Variants in SYNE1 observed in about 807,000 individuals in gnomAD.
The protein encoded by SYNE1 is spectrin repeat containing nuclear envelope protein 1.
A neutral mutation model predicts 1,111.0 loss-of-function variants in SYNE1; 616 were observed. That is an observed-to-expected ratio of 0.55 (90% CI 0.52 to 0.59). The LOEUF (loss-of-function observed/expected upper bound fraction) is 0.59, where lower values mean the gene tolerates loss of function less well. Among genes scored for constraint, SYNE1 ranks in the 20% least tolerant of loss-of-function variants. SYNE1 has a pLI of 0.00. For synonymous variants in SYNE1, 3,855 were observed against 3,825.8 expected, an observed-to-expected ratio of 1.01 and a Z score of -0.28; for missense variants, 10,006 against 10,417.0, an observed-to-expected ratio of 0.96 and a Z score of 1.72.
In SYNE1 at chr6:152,417,053, A is replaced by T. The variant is rs561593060; in HGVS notation, c.5422-38T>A. 4 of 1,611,266 alleles carry T rather than the reference A, an allele frequency of 2.5e-6. No homozygotes were observed. The African/African-American group carries it at 5.3e-5, about 21-fold the overall frequency. On this transcript the variant is annotated intron_variant, in intron 40 of 145. Transcript: ENST00000367255. ...AGAGAGTTATTGATTCCTGAGATAC[A>T]CTACAGTCTATGGCAGAGGTATTTT...
At position 152,360,626 on chromosome 6, in the gene SYNE1, C is replaced by T. The variant is rs191901147; in HGVS notation, c.10300-1168G>A. On this transcript the variant is annotated intron_variant, in intron 64 of 145. Coordinates refer to ENST00000367255, the MANE Select transcript of SYNE1 (RefSeq NM_182961.4). ...GAGTGCATGCATCCCCACTAACATA[C>T]GCTTGACTGTTTTTACTGCTAGAAT... 9.2e-5 allele frequency among the ~76,000 whole-genome samples: 14 copies of T among 152,210 alleles called. No individual in the cohort carries two copies. In the East Asian group the frequency reaches 1.5e-3, roughly 17 times the overall value.
intron 135 of SYNE1, among the ~76,000 whole-genome samples, chr6:152,150,152 T>C (rs1211691621): frequency 2.6e-5 from 4 of 152,248 alleles, no homozygotes; most frequent in Admixed American, 2.6e-4. Flanking sequence ...CAGGTGATTC[T>C]TTTATTATTT....
At chr6:152,593,327 G>A (rs150388884) in intron 3 of SYNE1, among the ~76,000 whole-genome samples, 3,318 of 152,266 alleles carry the variant, frequency 0.022, 127 homozygotes, top group African/African-American at 0.076. Flanking sequence ...GCTTATGCCT[G>A]TAATCCCAGC....
At chr6:152,518,961 G>C (rs1240053737) in intron 6 of SYNE1, among the ~76,000 whole-genome samples, 1 of 150,354 alleles carries the variant, frequency 6.7e-6, no homozygotes, top group Non-Finnish European at 1.5e-5. Context: ...CATAGGAAGG[G>C]GAACATCACC....
intron 3 of SYNE1, among the ~76,000 whole-genome samples, chr6:152,612,328 C>T (rs1157791592): frequency 1.3e-5 from 2 of 151,964 alleles, no homozygotes; most frequent in Non-Finnish European, 2.9e-5. Flanking sequence ...ACCACAGATC[C>T]CACAGAAATA....
intron 87 of SYNE1, among the ~76,000 whole-genome samples, chr6:152,313,078 A>G (rs1455152265): frequency 6.6e-6 from 1 of 152,234 alleles, no homozygotes; most frequent in Non-Finnish European, 1.5e-5. Flanking sequence ...ATATAAGACA[A>G]CAAAGCAAAA....
chr6:152,141,331 T>G lies in SYNE1; in HGVS notation c.25120-2A>C. ...ACTGCATTCGCCCAGCAGTTTCATC[T>G]GTTTAGACATAAACAACCGGCCCCT... On this transcript the variant is annotated splice_acceptor_variant, in intron 138 of 145. Coordinates refer to ENST00000367255, the MANE Select transcript of SYNE1 (RefSeq NM_182961.4). LOFTEE classifies it high-confidence loss of function. 6.2e-7 allele frequency: 1 copy of G among 1,614,006 alleles called. No homozygotes were observed. The highest frequency in any genetic ancestry group is 8.5e-7 in the Non-Finnish European group (1 of 1,179,998).
rs1363589656 is a variant in SYNE1, at chr6:152,608,257, G to A, written c.67+20008C>T. 3.3e-5 allele frequency among the ~76,000 whole-genome samples: 5 copies of A among 152,300 alleles called. No individual in the cohort carries two copies. In the East Asian group the frequency reaches 5.8e-4, roughly 18 times the overall value. ...CTCTCTCTCTTCAAAGGCACATAAT[G>A]GACAAGGTGAATTCACTAATATCCA... On this transcript the variant is annotated intron_variant, in intron 3 of 145. Coordinates refer to ENST00000367255, the MANE Select transcript of SYNE1 (RefSeq NM_182961.4).
chr6:152,544,008 AC>A (rs1365696943), intron 3 of SYNE1, among the ~76,000 whole-genome samples: 1 of 152,250 alleles, frequency 6.6e-6, no homozygotes, highest in Non-Finnish European at 1.5e-5. Flanking sequence ...ATTAAGCTAC[AC>A]ATGACTTTAT....
intron 3 of SYNE1, among the ~76,000 whole-genome samples, chr6:152,541,766 G>A (rs9689528): frequency 0.44 from 40,234 of 90,668 alleles, 7,194 homozygotes; most frequent in East Asian, 0.58. Context: ...AAAAAAAAAA[G>A]AAAAGAAATG....
intron 133 of SYNE1, among the ~76,000 whole-genome samples, chr6:152,152,485 A>G (rs2060611206): frequency 6.6e-6 from 1 of 152,232 alleles, no homozygotes; most frequent in Admixed American, 6.5e-5. Context: ...ATATTCCCAC[A>G]AAGCAAACCA....
intron 113 of SYNE1, among the ~76,000 whole-genome samples, chr6:152,231,802 G>GTGTGTGTA (rs144601774): frequency 2.5e-4 from 37 of 149,626 alleles, no homozygotes; most frequent in African/African-American, 8.4e-4. Flanking sequence ...GTGTGTGTGT[G>GTGTGTGTA]TATATATATA....
At chr6:152,378,467 T>C (rs944713433) in intron 56 of SYNE1, among the ~76,000 whole-genome samples, 1 of 152,212 alleles carries the variant, frequency 6.6e-6, no homozygotes. Flanking sequence ...GCAAGAGATA[T>C]CCAGGCTAGC....
intron 105 of SYNE1, among the ~76,000 whole-genome samples, chr6:152,247,883 CACACACAT>C (rs2087878832): frequency 6.9e-6 from 1 of 144,758 alleles, no homozygotes. Context: ...CACACACACA[CACACACAT>C]ATTATATGTC....
rs776047342 is a variant in SYNE1 at position 152,310,781 on chromosome 6, T to A, written c.16803A>T (p.Lys5601Asn). ...CCAGTTCTGCCACTTGCTGAGACATTTTTTCTGTACAGTACACGCTAGTGA... is the reference window on the plus strand; with the variant it reads ...CCAGTTCTGCCACTTGCTGAGACATATTTTCTGTACAGTACACGCTAGTGA... ...QYLTSVYCTEKMSQQVAELGR... is the reference protein window; with the variant it reads ...QYLTSVYCTENMSQQVAELGR... The change falls in exon 88 of 146, where the codon AAA becomes AAT. Residue 5601 changes from lysine (K) to asparagine (N), a missense_variant. Physicochemically the swap from Lys to Asn is moderately conservative, Grantham distance 94. Around this residue, in one of 7 missense-constraint regions of SYNE1, gnomAD observed 4,955 missense variants for 5,017.2 expected, o/e 0.99. Coordinates refer to ENST00000367255, the MANE Select transcript of SYNE1 (RefSeq NM_182961.4). The A allele has an allele frequency of 2.5e-6, 4 of 1,614,146 alleles. No homozygotes were observed. In the South Asian group the frequency reaches 3.3e-5, roughly 13 times the overall value.
chr6:152,265,427 T>C (rs1247017988), intron 100 of SYNE1, among the ~76,000 whole-genome samples: 7 of 152,124 alleles, frequency 4.6e-5, no homozygotes, highest in Non-Finnish European at 7.4e-5. Context: ...ATACCTTCAG[T>C]TGAGTGTCTA....
Position 152,351,339 on chromosome 6 carries a change from C to A in SYNE1, c.11581-569G>T, listed in dbSNP as rs140699622. On this transcript the variant is annotated intron_variant, in intron 70 of 145. Transcript: ENST00000367255. The stretch of plus-strand genomic sequence containing the variant: ...GAAATAGACATTGGCTGGAAGAGGC[C>A]GTCACAGAAGCTTCCAACAGGGAAA... 5.3e-5 allele frequency among the ~76,000 whole-genome samples: 8 copies of A among 152,268 alleles called. No individual in the cohort carries two copies. The East Asian group carries it at 1.5e-3, about 29-fold the overall frequency.
At chr6:152,229,435 C>T (rs530434123) in intron 115 of SYNE1, among the ~76,000 whole-genome samples, 96 of 152,224 alleles carry the variant, frequency 6.3e-4, no homozygotes, top group African/African-American at 2.1e-3. Context: ...ACTTTCAATC[C>T]GCATCCCTCA....
At position 152,221,578 on chromosome 6, in the gene SYNE1, C is replaced by T. The variant is rs1480392957; in HGVS notation, c.21523-19G>A. ...GGAGATTCTGCCCCAAAAAAAAGAC[C>T]CATAGATGACATAACAGGATCTAAA... is the stretch of plus-strand genomic sequence containing the variant. On this transcript the variant is annotated intron_variant, in intron 117 of 145. Coordinates refer to ENST00000367255, the MANE Select transcript of SYNE1 (RefSeq NM_182961.4). 7.4e-6 allele frequency: 12 copies of T among 1,613,266 alleles called. No individual in the cohort carries two copies. The highest frequency in any genetic ancestry group is 8.5e-6 in the Non-Finnish European group (10 of 1,179,870).
Sources: allele counts gnomAD v4.1 joint callset (sites outside exome capture counted in the v4.1 genomes callset), GRCh38; gene constraint gnomAD v4.1.1; regional missense constraint gnomAD v4.1.1; transcripts MANE v1.5; gene names NCBI Gene and HGNC (gene_info 2026-07-23, HGNC 2026-07-21).